OPA1: variants seen among roughly 807,000 people sequenced by gnomAD.
OPA1 encodes OPA1 mitochondrial dynamin like GTPase.
Under a neutral mutation model 152.9 loss-of-function variants are expected in OPA1, and 59 were observed. That is an observed-to-expected ratio of 0.39 (90% CI 0.31 to 0.48). The LOEUF (loss-of-function observed/expected upper bound fraction) is 0.48. Among genes scored for constraint, OPA1 ranks in the 20% least tolerant of loss-of-function variants. The pLI is 0.96. For missense variants in OPA1, 1,008 were observed against 1,216.8 expected (o/e 0.83, Z 2.55); for synonymous variants, 400 against 389.9 (o/e 1.03, Z -0.31).
At chr3:193,690,456 T>A (rs1721531061) in intron 29 of OPA1, among the ~76,000 whole-genome samples, 1 of 151,644 alleles carries the variant, frequency 6.6e-6, no homozygotes, top group Non-Finnish European at 1.5e-5. Context: ...AGCCCAGGAG[T>A]CTGAGTCTAG....
chr3:193,651,537 C>T (rs1712445564), intron 21 of OPA1, among the ~76,000 whole-genome samples: 1 of 152,082 alleles, frequency 6.6e-6, no homozygotes, highest in African/African-American at 2.4e-5. Context: ...GACCTTTCAC[C>T]TTGATTTTTT....
Position 193,630,264 on chromosome 3 carries a change from T to C in OPA1, c.790-1348T>C, listed in dbSNP as rs564061686. The stretch of plus-strand genomic sequence containing the variant: ...AAAGCTTCTATCAGCAGATCTGTGC[T>C]TGCTGTACAGAAATGGGAAAACAAT... On this transcript the variant is annotated intron_variant, in intron 7 of 30. Coordinates refer to ENST00000361510, the MANE Select transcript of OPA1 (RefSeq NM_130837.3). 1.6e-3 allele frequency among the ~76,000 whole-genome samples: 82 copies of C among 50,038 alleles called. 2 individuals are homozygous for C. The highest frequency in any genetic ancestry group is 6.4e-4 in the Non-Finnish European group (14 of 21,856). The allele number at this position is 50,038 out of a possible 152,430, so 32.8% of individuals were successfully genotyped here.
intron 6 of OPA1, chr3:193,624,370 T>TA (rs1409044926): frequency 1.3e-5 from 2 of 152,154 alleles, no homozygotes; most frequent in Non-Finnish European, 2.9e-5. Flanking sequence ...GGTATGTAAA[T>TA]ACAGCAGGTA....
intron 2 of OPA1, 107 bp downstream of exon 2, chr3:193,615,148 A>G: frequency 1.1e-6 from 1 of 886,050 alleles, no homozygotes; most frequent in Non-Finnish European, 1.9e-6. Flanking sequence ...TTAAACATTT[A>G]TTTTGTGTCT....
chr3:193,669,419 G>A (rs916916196), intron 29 of OPA1, among the ~76,000 whole-genome samples: 2 of 152,200 alleles, frequency 1.3e-5, no homozygotes, highest in African/African-American at 4.8e-5. Context: ...TAACGTAGAA[G>A]ATTAGTGCTC....
chr3:193,673,979 A>C (rs557470528), intron 29 of OPA1, among the ~76,000 whole-genome samples: 1 of 152,328 alleles, frequency 6.6e-6, no homozygotes, highest in Non-Finnish European at 1.5e-5. Flanking sequence ...CTGACTCCCT[A>C]CGCGAGGTGG....
chr3:193,658,738 C>T, intron 23 of OPA1, 149 bp from the exon 24 acceptor site: 1 of 637,256 alleles, frequency 1.6e-6, no homozygotes, highest in South Asian at 1.7e-5. Flanking sequence ...GTAAAAGAAG[C>T]TTATGCATTT....
chr3:193,659,440 TGTAA>T (rs1260749063), intron 24 of OPA1, 38 bp from the exon 25 acceptor site: 2 of 1,432,632 alleles, frequency 1.4e-6, no homozygotes, highest in African/African-American at 2.8e-5. Flanking sequence ...TTTGTGTGTG[TGTAA>T]GTGATAAAAT....
chr3:193,686,514 A>G (rs987952561), intron 29 of OPA1, among the ~76,000 whole-genome samples: 3 of 152,216 alleles, frequency 2.0e-5, no homozygotes, highest in Non-Finnish European at 4.4e-5. Context: ...TCAACCTTTC[A>G]TCAACTAAAA....
rs6444738 is a variant in OPA1, at chr3:193,680,213, T to A, written c.2984-11850T>A. On this transcript the variant is annotated intron_variant, in intron 29 of 30. Transcript: ENST00000361510. ...AATCAGAATTACATTCTCTGATCTT[T>A]TACTTTTAAAATTACAGTGATGAAC... is the stretch of plus-strand genomic sequence containing the variant. Among the ~76,000 whole-genome samples, 5 of 104,192 alleles carry A rather than the reference T, an allele frequency of 4.8e-5. No individual in the cohort carries two copies. The East Asian group carries it at 1.3e-3, about 26-fold the overall frequency. 68.4% of individuals were successfully genotyped at this position (104,192 alleles called of 152,430 possible). A position where few individuals can be genotyped will look rare whatever the true frequency, so the allele number is the denominator to read the frequency against.
Position 193,643,521 on chromosome 3 carries a change from C to A in OPA1, c.1378-7C>A. ...TTATAATGACATTTAAAACCTTTTT[C>A]TTTAAGACTGTGACATCAGGCATGG... On this transcript the variant is annotated splice_polypyrimidine_tract_variant and splice_region_variant and intron_variant, in intron 14 of 30. Coordinates refer to ENST00000361510, the MANE Select transcript of OPA1 (RefSeq NM_130837.3). The A allele has an allele frequency of 1.2e-6, 2 of 1,613,210 alleles. No homozygotes were observed. Among genetic ancestry groups the A allele is most frequent in the Non-Finnish European group, 1.7e-6 (2 of 1,179,384 alleles).
At chr3:193,641,191 A>G (rs562692266) in intron 11 of OPA1, among the ~76,000 whole-genome samples, 26 of 152,348 alleles carry the variant, frequency 1.7e-4, no homozygotes, top group African/African-American at 6.3e-4. Context: ...TGATACTTCA[A>G]GAAGAAATTA....
chr3:193,690,598 C>T (rs1400870526), intron 29 of OPA1, among the ~76,000 whole-genome samples: 6 of 151,992 alleles, frequency 3.9e-5, no homozygotes, highest in Non-Finnish European at 7.4e-5. Context: ...TTTTGAGTTC[C>T]TGCAATGCTA....
Position 193,660,151 on chromosome 3 carries a change from T to C in OPA1, c.2520+590T>C, listed in dbSNP as rs573420573. 2.0e-5 allele frequency among the ~76,000 whole-genome samples: 3 copies of C among 152,276 alleles called. No homozygotes were observed. In the South Asian group the frequency reaches 6.2e-4, roughly 32 times the overall value. On this transcript the variant is annotated intron_variant, in intron 25 of 30. Transcript: ENST00000361510. ...GTTTTCAGAGGATGTACAATGAATATGATTGGCGGGAAAAGATACAATTTT... is the reference window on the plus strand; with the variant it reads ...GTTTTCAGAGGATGTACAATGAATACGATTGGCGGGAAAAGATACAATTTT...
At chr3:193,632,459 C>A (rs541057806) in intron 8 of OPA1, among the ~76,000 whole-genome samples, 1 of 151,972 alleles carries the variant, frequency 6.6e-6, no homozygotes. Context: ...CCAGCCTGGG[C>A]GACAGAGCAA....
At chr3:193,631,504 T>A (rs977204902) in intron 7 of OPA1, 108 bp from the exon 8 acceptor site, 1 of 734,528 alleles carries the variant, frequency 1.4e-6, no homozygotes, top group African/African-American at 1.8e-5. Flanking sequence ...TAAATATGCA[T>A]ATAAAGTCAG....
chr3:193,637,573 A>G (rs1733148286), intron 10 of OPA1, among the ~76,000 whole-genome samples: 1 of 152,124 alleles, frequency 6.6e-6, no homozygotes, highest in Non-Finnish European at 1.5e-5. Context: ...TAATATTTAA[A>G]TACTGAACAG....
chr3:193,643,257 G>GAATA lies in OPA1; in HGVS notation c.1306-116_1306-115insAATA, dbSNP rs1485922655. 6.1e-4 allele frequency: 545 copies of GAATA among 897,112 alleles called. 9 individuals are homozygous for GAATA. The South Asian group carries it at 7.7e-3, about 13-fold the overall frequency. 55.6% of individuals were successfully genotyped at this position (897,112 alleles called of 1,614,324 possible). A position where few individuals can be genotyped will look rare whatever the true frequency, so the allele number is the denominator to read the frequency against. On this transcript the variant is annotated intron_variant, in intron 13 of 30. Transcript: ENST00000361510. Reference sequence around the variant, plus strand: ...CAGAGAAAGAATACCATTTTTGTGAGCGTCTTATCTGAATGGATGAGATAT... The same window carrying GAATA: ...CAGAGAAAGAATACCATTTTTGTGAGAATACGTCTTATCTGAATGGATGAGATAT...
At chr3:193,597,823 C>T (rs775251638) in intron 1 of OPA1, among the ~76,000 whole-genome samples, 1 of 151,750 alleles carries the variant, frequency 6.6e-6, no homozygotes, top group Non-Finnish European at 1.5e-5. Flanking sequence ...CAGTGGCTTA[C>T]ACCTGTAATC....
Sources: allele counts gnomAD v4.1 joint callset (sites outside exome capture counted in the v4.1 genomes callset), GRCh38; gene constraint gnomAD v4.1.1; transcripts MANE v1.5; gene names NCBI Gene and HGNC (gene_info 2026-07-23, HGNC 2026-07-21).